The following DNAH1 variants were observed in gnomAD, a reference collection of about 807,000 sequenced individuals.
The protein encoded by DNAH1 is axonemal beta dynein heavy chain 1.
DNAH1 carries 327 observed loss-of-function variants against 484.3 expected under a neutral mutation model. The observed-to-expected ratio is 0.68, with a 90% CI of 0.62 to 0.74. The LOEUF is 0.74. Ranked by LOEUF, DNAH1 falls within the 30% of genes least tolerant of loss-of-function variation. The pLI is 0.00. For synonymous variants in DNAH1, 2,192 were observed against 2,191.9 expected (o/e 1.00, Z 0.00); for missense variants, 5,052 against 5,546.8 (o/e 0.91, Z 2.83).
Position 52,396,428 on chromosome 3 carries a change from A to T in DNAH1, c.11320A>T (p.Ile3774Phe). ...SLPSNKFPVS[I>F]LQNGSKMTIE... ...GCCCAGCAACAAGTTCCCAGTGTCC[A>T]TCCTGCAGAACGGCTCCAAGATGAC... Residue 3774 changes from isoleucine (I) to phenylalanine (F), a missense_variant, in exon 71 of 78, where the codon ATC becomes TTC. By Grantham distance (21) the Ile-to-Phe change is conservative. Around this residue, in one of 4 missense-constraint regions of DNAH1, gnomAD observed 853 missense variants for 899.0 expected, o/e 0.95. Coordinates refer to ENST00000420323, the MANE Select transcript of DNAH1 (RefSeq NM_015512.5). 6.3e-7 allele frequency: 1 copy of T among 1,592,206 alleles called. No homozygotes were observed. Among genetic ancestry groups the T allele is most frequent in the Non-Finnish European group, 8.5e-7 (1 of 1,169,738 alleles).
rs1248136525 is a variant in DNAH1 at position 52,386,356 on chromosome 3, G to A, written c.8811+11G>A. ...AACGATGTGACCGAGGTGGGCAGCA[G>A]GGCATCTCCTGGCATTCCCTCTCAT... On this transcript the variant is annotated intron_variant, in intron 55 of 77. Transcript: ENST00000420323. 1 of 1,554,256 alleles carries A rather than the reference G, an allele frequency of 6.4e-7. No homozygotes were observed. The highest frequency in any genetic ancestry group is 1.2e-5 in the South Asian group (1 of 84,038).
chr3:52,374,213 A>C, intron 44 of DNAH1: 1 of 1,365,640 alleles, frequency 7.3e-7, no homozygotes, highest in Non-Finnish European at 1.0e-6. Flanking sequence ...AGAGCATCAT[A>C]ATGGCATAGC....
rs886199075 is a variant in DNAH1 at position 52,381,402 on chromosome 3, C to T, written c.7609-238C>T. On this transcript the variant is annotated intron_variant, in intron 48 of 77. Transcript: ENST00000420323. This position sits in a 1 kb window ranked among gnomAD's most constrained non-coding sequence, Gnocchi z 4.1. ...TGCTGGGATTACAGGCGTGAGCCACCGCGCTAGGCCAATCCCTCAGTGTTT... is the reference window on the plus strand; with the variant it reads ...TGCTGGGATTACAGGCGTGAGCCACTGCGCTAGGCCAATCCCTCAGTGTTT... Among the ~76,000 whole-genome samples, 4 of 152,182 alleles carry T rather than the reference C, an allele frequency of 2.6e-5. No homozygotes were observed. The highest frequency in any genetic ancestry group is 2.1e-4 in the South Asian group (1 of 4,828).
At chr3:52,327,578 C>T (rs775077568) in intron 5 of DNAH1, among the ~76,000 whole-genome samples, 8 of 152,198 alleles carry the variant, frequency 5.3e-5, no homozygotes, top group Admixed American at 3.3e-4. Context: ...GAACCCACCA[C>T]CTGCTCTGGG....
At chr3:52,390,579 T>C (rs935148817) in intron 60 of DNAH1, among the ~76,000 whole-genome samples, 1 of 152,166 alleles carries the variant, frequency 6.6e-6, no homozygotes, top group African/African-American at 2.4e-5. Flanking sequence ...GGGTATGGGC[T>C]CTATGAAGAT....
At chr3:52,320,373 G>A (rs1701099949) in intron 1 of DNAH1, among the ~76,000 whole-genome samples, 1 of 152,250 alleles carries the variant, frequency 6.6e-6, no homozygotes, top group Non-Finnish European at 1.5e-5. Context: ...AGGGGAGGCC[G>A]GGCAGGCCCG....
In DNAH1 at chr3:52,381,753, C is replaced by G. The variant is rs1313207973; in HGVS notation, c.7722C>G (p.Thr2574=). The stretch of plus-strand genomic sequence containing the variant: ...GCCACATCTGTCGCATCAGCCGCAC[C>G]CTACGCCAGGCGCTGGGCAATGCAC... The part of the protein sequence containing the change: ...AMSHICRISR[T]LRQALGNALL... The change falls in exon 49 of 78, where the codon ACC becomes ACG. Residue 2574 remains threonine (T), a synonymous_variant. Coordinates refer to ENST00000420323, the MANE Select transcript of DNAH1 (RefSeq NM_015512.5). The surrounding 1 kb of genome is among the most constrained non-coding windows in gnomAD (Gnocchi z 4.1). 2 of 1,605,052 alleles carry G rather than the reference C, an allele frequency of 1.2e-6. No individual in the cohort carries two copies. Among genetic ancestry groups the G allele is most frequent in the Admixed American group, 3.4e-5 (2 of 58,962 alleles).
At position 52,399,221 on chromosome 3, in the gene DNAH1, C is replaced by G; in HGVS notation, c.12441+20C>G. 1 of 1,584,364 alleles carries G rather than the reference C, an allele frequency of 6.3e-7. No homozygotes were observed. Among genetic ancestry groups the G allele is most frequent in the South Asian group, 1.2e-5 (1 of 85,790 alleles). Reference sequence around the variant, plus strand: ...TTCAAGGTCTGGGCACAGCCAGGGCCAGGTCAGGTGACAGGCTAGGGTACA... The same window carrying G: ...TTCAAGGTCTGGGCACAGCCAGGGCGAGGTCAGGTGACAGGCTAGGGTACA... On this transcript the variant is annotated intron_variant, in intron 76 of 77. Coordinates refer to ENST00000420323, the MANE Select transcript of DNAH1 (RefSeq NM_015512.5).
chr3:52,367,626 G>A (rs935630575), intron 36 of DNAH1, among the ~76,000 whole-genome samples: 7 of 151,760 alleles, frequency 4.6e-5, no homozygotes, highest in African/African-American at 1.7e-4. Context: ...CCAGGCTGGA[G>A]TGCAGTGGCG....
At position 52,395,512 on chromosome 3, in the gene DNAH1, A is replaced by G. The variant is rs764731923; in HGVS notation, c.11128-35A>G. On this transcript the variant is annotated intron_variant, in intron 69 of 77. Coordinates refer to ENST00000420323, the MANE Select transcript of DNAH1 (RefSeq NM_015512.5). The surrounding 1 kb of genome is among the most constrained non-coding windows in gnomAD (Gnocchi z 4.4). ...AAGGGAGTGGGCTGGGGGGTGGGCA[A>G]GCTGGCCCCCTGCTCAGTGCTCTTG... 3.1e-6 allele frequency: 5 copies of G among 1,613,136 alleles called. No individual in the cohort carries two copies. The highest frequency in any genetic ancestry group is 2.2e-5 in the East Asian group (1 of 44,856).
At chr3:52,397,964 G>C (rs1704713244) in intron 74 of DNAH1, 68 bp from the exon 75 acceptor site, 1 of 1,585,806 alleles carries the variant, frequency 6.3e-7, no homozygotes, top group Non-Finnish European at 8.6e-7. Context: ...GGACCCCTAT[G>C]CATGTGGAAT....
chr3:52,398,189 C>T (rs773004271), intron 75 of DNAH1, 27 bp downstream of exon 75: 6 of 1,588,066 alleles, frequency 3.8e-6, no homozygotes, highest in South Asian at 2.3e-5. Flanking sequence ...ACCCCTGCCC[C>T]GAGTCAGCGG....
chr3:52,345,398 G>C, intron 9 of DNAH1, 97 bp from the exon 10 acceptor site: 2 of 1,005,186 alleles, frequency 2.0e-6, no homozygotes, highest in Non-Finnish European at 3.0e-6. Flanking sequence ...GAGAAGGCAG[G>C]AGTCATGGCC....
At position 52,361,021 on chromosome 3, in the gene DNAH1, C is replaced by T. The variant is rs1051938127; in HGVS notation, c.4686-143C>T. 5.4e-6 allele frequency: 4 copies of T among 739,400 alleles called. No homozygotes were observed. In the African/African-American group the frequency reaches 7.3e-5, roughly 14 times the overall value. The allele number at this position is 739,400 out of a possible 1,614,324, so 45.8% of individuals were successfully genotyped here. The stretch of plus-strand genomic sequence containing the variant: ...TGGGCAGGTGTCCACAGGCTCCAGT[C>T]CTGACCCCGGAGCCAGGGCTGGGCA... On this transcript the variant is annotated intron_variant, in intron 28 of 77. Transcript: ENST00000420323. This position sits in a 1 kb window ranked among gnomAD's most constrained non-coding sequence, Gnocchi z 5.6.
At chr3:52,356,907 G>A in intron 22 of DNAH1, 129 bp downstream of exon 22, 1 of 1,202,546 alleles carries the variant, frequency 8.3e-7, no homozygotes, top group South Asian at 1.5e-5. Flanking sequence ...ATTTGATCTT[G>A]AACCATGTCC....
Position 52,361,880 on chromosome 3 carries a change from C to T in DNAH1, c.4980+114C>T, listed in dbSNP as rs374986618. 13 of 1,162,284 alleles carry T rather than the reference C, an allele frequency of 1.1e-5. No individual in the cohort carries two copies. Among genetic ancestry groups the T allele is most frequent in the South Asian group, 2.9e-5 (2 of 68,124 alleles). 72.0% of individuals were successfully genotyped at this position (1,162,284 alleles called of 1,614,324 possible). ...CTAAGGTCCACCCTGGGTCCAGCCT[C>T]TCTTGTCCCGGGGGCACACCCTAAC... On this transcript the variant is annotated intron_variant, in intron 30 of 77. Coordinates refer to ENST00000420323, the MANE Select transcript of DNAH1 (RefSeq NM_015512.5). This position sits in a 1 kb window ranked among gnomAD's most constrained non-coding sequence, Gnocchi z 5.6.
rs759065804 is a variant in DNAH1 at position 52,370,153 on chromosome 3, C to T, written c.6182C>T (p.Ala2061Val). The stretch of plus-strand genomic sequence containing the variant: ...CGGTCCTCAGTGAAGGAGGTGATCG[C>T]CTCAACCAACTGCAACCTGACCATG... The part of the protein sequence containing the change: ...FVRSSVKEVI[A>V]STNCNLTMSL... Residue 2061 changes from alanine (A) to valine (V), a missense_variant, in exon 39 of 78, where the codon GCC (alanine) becomes GTC (valine). This residue lies in a region of DNAH1 where 2,929 missense variants were observed against 3,409.4 expected (regional missense o/e 0.86). Transcript: ENST00000420323. 1.9e-6 allele frequency: 3 copies of T among 1,614,004 alleles called. No individual in the cohort carries two copies. The South Asian group carries it at 3.3e-5, about 18-fold the overall frequency.
Position 52,398,974 on chromosome 3 carries a change from C to A in DNAH1, c.12214C>A (p.Pro4072Thr). The stretch of plus-strand genomic sequence containing the variant: ...TGCCAGCCTGTACAACAATACTGTG[C>A]CTGAGCTCTGGAGTGCCAAGGCCTA... Reference protein sequence around the residue: ...MAASLYNNTVPELWSAKAYPS... With the variant: ...MAASLYNNTVTELWSAKAYPS... Residue 4072 changes from proline (P) to threonine (T), a missense_variant, in exon 76 of 78, where the codon CCT becomes ACT. Physicochemically the swap from Pro to Thr is conservative, Grantham distance 38. Coordinates refer to ENST00000420323, the MANE Select transcript of DNAH1 (RefSeq NM_015512.5). 1 of 1,613,958 alleles carries A rather than the reference C, an allele frequency of 6.2e-7. No individual in the cohort carries two copies. Among genetic ancestry groups the A allele is most frequent in the Middle Eastern group, 1.6e-4 (1 of 6,062 alleles).
chr3:52,393,699 C>G (rs530336900), intron 66 of DNAH1, among the ~76,000 whole-genome samples: 18 of 152,324 alleles, frequency 1.2e-4, no homozygotes, highest in African/African-American at 4.3e-4. Context: ...AGATGGATCA[C>G]TTGAGGCCAG....
Sources: gnomAD v4.1 joint callset for allele counts (sites outside exome capture counted in the v4.1 genomes callset) on GRCh38, gnomAD v4.1.1 for gene constraint, gnomAD v4.1.1 regional missense constraint, Gnocchi (gnomAD v3.1) non-coding constraint, MANE v1.5 for transcripts, NCBI Gene and HGNC (gene_info 2026-07-23, HGNC 2026-07-21) for gene names.